The following MAP2K6 variants were observed in gnomAD, a reference collection of about 807,000 sequenced individuals.
MAP2K6 encodes mitogen-activated protein kinase kinase 6.
MAP2K6 carries 16 observed loss-of-function variants against 53.7 expected under a neutral mutation model. The ratio of observed to expected loss-of-function variants is 0.30; its 90% CI spans 0.20 to 0.45. The LOEUF (loss-of-function observed/expected upper bound fraction) is 0.45, where lower values mean the gene tolerates loss of function less well. MAP2K6 is among the 20% of genes least tolerant of loss of function. The pLI is 1.00. For missense variants in MAP2K6, 204 were observed against 411.9 expected, an observed-to-expected ratio of 0.50 and a Z score of 4.37; for synonymous variants, 132 against 143.1, an observed-to-expected ratio of 0.92 and a Z score of 0.55.
At chr17:69,476,560 A>C (rs1908158092) in intron 1 of MAP2K6, among the ~76,000 whole-genome samples, 1 of 152,192 alleles carries the variant, frequency 6.6e-6, no homozygotes, top group East Asian at 1.9e-4. Flanking sequence ...CTGGGTCTGA[A>C]GCAATGTTGT....
chr17:69,516,174 T>G (rs1446009365), intron 2 of MAP2K6, among the ~76,000 whole-genome samples: 1 of 152,050 alleles, frequency 6.6e-6, no homozygotes, highest in Non-Finnish European at 1.5e-5. Flanking sequence ...CAACTCACCA[T>G]AATGTAGAAT....
At chr17:69,427,980 A>G (rs1906327170) in intron 1 of MAP2K6, among the ~76,000 whole-genome samples, 1 of 152,210 alleles carries the variant, frequency 6.6e-6, no homozygotes, top group African/African-American at 2.4e-5. Flanking sequence ...CAGGATAGCT[A>G]GTCAGTGTTG....
intron 1 of MAP2K6, among the ~76,000 whole-genome samples, chr17:69,499,463 A>G (rs991889206): frequency 6.6e-6 from 1 of 152,224 alleles, no homozygotes; most frequent in Non-Finnish European, 1.5e-5. Context: ...TAAGATAAGA[A>G]ACTTTCTCAA....
At chr17:69,431,199 T>C (rs1380322219) in intron 1 of MAP2K6, among the ~76,000 whole-genome samples, 1 of 152,330 alleles carries the variant, frequency 6.6e-6, no homozygotes, top group East Asian at 1.9e-4. Context: ...ATACCGTTAA[T>C]GGGTGCAGAG....
At chr17:69,533,560 G>T (rs1311825811) in intron 10 of MAP2K6, among the ~76,000 whole-genome samples, 1 of 152,096 alleles carries the variant, frequency 6.6e-6, no homozygotes, top group Non-Finnish European at 1.5e-5. Context: ...GGAGTTTAAG[G>T]TCTAAATAGA....
chr17:69,489,275 T>A (rs1423047665), intron 1 of MAP2K6, among the ~76,000 whole-genome samples: 1 of 151,782 alleles, frequency 6.6e-6, no homozygotes, highest in African/African-American at 2.4e-5. Context: ...TTGGGAACAT[T>A]GCATAGGTTA....
chr17:69,485,577 T>A (rs1416075829), intron 1 of MAP2K6: 2 of 372,904 alleles, frequency 5.4e-6, no homozygotes, highest in Non-Finnish European at 7.4e-6. Flanking sequence ...TAGGACCCCA[T>A]GGGAAATCTT....
intron 10 of MAP2K6, among the ~76,000 whole-genome samples, chr17:69,528,840 T>C (rs1910922054): frequency 8.8e-6 from 1 of 113,754 alleles, no homozygotes; most frequent in Non-Finnish European, 1.6e-5. Context: ...GCCTGGGTGA[T>C]AAGAGAGAGA....
chr17:69,499,653 T>C (rs1189572331), intron 1 of MAP2K6, among the ~76,000 whole-genome samples: 1 of 152,222 alleles, frequency 6.6e-6, no homozygotes, highest in Non-Finnish European at 1.5e-5. Context: ...CAAATATTTA[T>C]GATGTGCAGG....
At chr17:69,506,993 CTTTTTCTCGTAGACCTG>C (rs1314927815) in intron 2 of MAP2K6, among the ~76,000 whole-genome samples, 1 of 147,368 alleles carries the variant, frequency 6.8e-6, no homozygotes, top group Non-Finnish European at 1.5e-5. Flanking sequence ...TGAGCAATTT[CTTTTTCTCGTAGACCTG>C]TGAACTGTGT....
Position 69,506,301 on chromosome 17 carries a change from CTTTTT to C in MAP2K6, c.83+460_83+464del, listed in dbSNP as rs35772647. Among the ~76,000 whole-genome samples the C allele has an allele frequency of 6.3e-4, 96 of 151,646 alleles. 2 individuals carry two copies. The South Asian group carries it at 7.5e-3, about 12-fold the overall frequency. Reference sequence around the variant, plus strand: ...GAAGGAAGAATGAGGTAAAGGAACACTTTTTTTTTATTAGCTGAGGTTTTGGCCCA... The same window carrying C: ...GAAGGAAGAATGAGGTAAAGGAACACTTTTATTAGCTGAGGTTTTGGCCCA... On this transcript the variant is annotated intron_variant, in intron 2 of 11. Transcript: ENST00000590474.
At chr17:69,459,862 T>C (rs1424577393) in intron 1 of MAP2K6, among the ~76,000 whole-genome samples, 1 of 151,020 alleles carries the variant, frequency 6.6e-6, no homozygotes, top group Non-Finnish European at 1.5e-5. Context: ...TCCCTTTCCT[T>C]CATCCTGCCT....
chr17:69,415,311 A>G (rs543417078), intron 1 of MAP2K6, among the ~76,000 whole-genome samples: 1 of 152,314 alleles, frequency 6.6e-6, no homozygotes, highest in African/African-American at 2.4e-5. Flanking sequence ...GGCTTTATAT[A>G]ATTGTAAAAT....
At chr17:69,480,664 T>A (rs1908319243) in intron 1 of MAP2K6, among the ~76,000 whole-genome samples, 14 of 152,170 alleles carry the variant, frequency 9.2e-5, no homozygotes. Flanking sequence ...TGGGAATGAT[T>A]CAAGTAAACT....
intron 1 of MAP2K6, among the ~76,000 whole-genome samples, chr17:69,448,820 G>T (rs952608302): frequency 6.6e-6 from 1 of 152,000 alleles, no homozygotes; most frequent in African/African-American, 2.4e-5. Context: ...TTCCTTTTTC[G>T]CCTCTCTTTT....
chr17:69,517,548 C>T lies in MAP2K6; in HGVS notation c.181C>T (p.Arg61Ter), dbSNP rs753824437. ...DDLEPIMELGRGAYGVVEKMR... is the reference protein window; with the variant it reads ...DDLEPIMELG Reference sequence around the variant, plus strand: ...CCTGGAGCCTATAATGGAACTGGGACGAGGTGCGTACGGGGTGGTGGAGAA... The same window carrying T: ...CCTGGAGCCTATAATGGAACTGGGATGAGGTGCGTACGGGGTGGTGGAGAA... The change falls in exon 4 of 12, where the codon CGA becomes TGA. Residue 61 changes from arginine to a stop codon, truncating the protein, a stop_gained. Coordinates refer to ENST00000590474, the MANE Select transcript of MAP2K6 (RefSeq NM_002758.4). LOFTEE classifies it high-confidence loss of function. The T allele has an allele frequency of 1.2e-6, 2 of 1,610,902 alleles. No homozygotes were observed. Among genetic ancestry groups the T allele is most frequent in the South Asian group, 1.1e-5 (1 of 90,748 alleles).
rs1207633238 is a variant in MAP2K6, at chr17:69,545,213, A to G, written c.*3460A>G. On this transcript the variant is annotated 3_prime_UTR_variant, in exon 12 of 12. Transcript: ENST00000590474. ...TTTTAACCAGAGTCATTCTTCCACCAGAATAAGTGTAATCTCCCAAAATGA... is the reference window on the plus strand; with the variant it reads ...TTTTAACCAGAGTCATTCTTCCACCGGAATAAGTGTAATCTCCCAAAATGA... 1 of 150,568 alleles carries G rather than the reference A, an allele frequency of 6.6e-6. No homozygotes were observed. Among genetic ancestry groups the G allele is most frequent in the Admixed American group, 6.6e-5 (1 of 15,052 alleles). 9.3% of individuals were successfully genotyped at this position (150,568 alleles called of 1,614,324 possible). A position where few individuals can be genotyped will look rare whatever the true frequency, so the allele number is the denominator to read the frequency against.
At chr17:69,519,957 C>T (rs953134167) in intron 5 of MAP2K6, 1 of 287,560 alleles carries the variant, frequency 3.5e-6, no homozygotes, top group African/African-American at 2.3e-5. Flanking sequence ...AACTCCTAGA[C>T]AGTGGTATCA....
intron 1 of MAP2K6, among the ~76,000 whole-genome samples, chr17:69,421,047 T>A (rs993416037): frequency 2.3e-4 from 35 of 152,242 alleles, no homozygotes; most frequent in Non-Finnish European, 4.6e-4. Flanking sequence ...AACTAAACCT[T>A]TTCTTATATA....
Sources: allele counts gnomAD v4.1 joint callset (sites outside exome capture counted in the v4.1 genomes callset), GRCh38; gene constraint gnomAD v4.1.1; transcripts MANE v1.5; gene names NCBI Gene and HGNC (gene_info 2026-07-23, HGNC 2026-07-21).